BRD4: variants seen among roughly 807,000 people sequenced by gnomAD.
The protein encoded by BRD4 is bromodomain-containing protein 4.
A neutral mutation model predicts 142.1 loss-of-function variants in BRD4; 16 were observed. The observed-to-expected ratio is 0.11, with a 90% confidence interval of 0.08 to 0.17. The LOEUF is 0.17. Ranked by LOEUF, BRD4 falls within the 10% of genes least tolerant of loss-of-function variation. The pLI is 1.00. For missense variants in BRD4, 1,424 were observed against 1,810.9 expected (o/e 0.79, Z 3.88); for synonymous variants, 833 against 707.5 (o/e 1.18, Z -2.82).
rs181625112 is a variant in BRD4 at position 15,251,908 on chromosome 19, G to A, written c.2158+2244C>T. Among the ~76,000 whole-genome samples the A allele has an allele frequency of 2.0e-3, 309 of 152,308 alleles. 2 individuals are homozygous for A. Among genetic ancestry groups the A allele is most frequent in the African/African-American group, 7.2e-3 (298 of 41,558 alleles). ...CGCCTGGGAAGAGGGGAAGGCCAGAGCCCAGATAGCTGCATGAGCGGCCAG... is the reference window on the plus strand; with the variant it reads ...CGCCTGGGAAGAGGGGAAGGCCAGAACCCAGATAGCTGCATGAGCGGCCAG... On this transcript the variant is annotated intron_variant, in intron 11 of 19. Transcript: ENST00000679869.
Position 15,269,794 on chromosome 19 carries a change from G to A in BRD4, c.286-752C>T, listed in dbSNP as rs147763777. Among the ~76,000 whole-genome samples, 298 of 152,360 alleles carry A rather than the reference G, an allele frequency of 2.0e-3. 1 individual carries two copies. The highest frequency in any genetic ancestry group is 6.8e-3 in the Middle Eastern group (2 of 294). ...ACTAAGTGCCAAACAGAAGGAGCCA[G>A]ATAACAGATGTAAACGTCTTAAAGT... On this transcript the variant is annotated intron_variant, in intron 2 of 19. Transcript: ENST00000679869.
rs375972154 is a variant in BRD4 at position 15,297,534 on chromosome 19, G to T, written c.-34-24401C>A. 7.2e-5 allele frequency among the ~76,000 whole-genome samples: 11 copies of T among 152,280 alleles called. No homozygotes were observed. The South Asian group carries it at 2.3e-3, about 32-fold the overall frequency. On this transcript the variant is annotated intron_variant, in intron 1 of 19. Transcript: ENST00000679869. Reference sequence around the variant, plus strand: ...AGTCTTTTACCCATCAAAGCCTGACGCACTTCCACACATTCCTTTGTAGTG... The same window carrying T: ...AGTCTTTTACCCATCAAAGCCTGACTCACTTCCACACATTCCTTTGTAGTG...
intron 1 of BRD4, among the ~76,000 whole-genome samples, chr19:15,292,835 A>G (rs927796536): frequency 1.3e-5 from 2 of 148,856 alleles, no homozygotes; most frequent in Non-Finnish European, 3.0e-5. Flanking sequence ...AAAGAAAAGA[A>G]AAGCCTGAAA....
At chr19:15,269,654 T>C (rs981015342) in intron 2 of BRD4, among the ~76,000 whole-genome samples, 1 of 152,332 alleles carries the variant, frequency 6.6e-6, no homozygotes, top group African/African-American at 2.4e-5. Context: ...ATCCAGATAC[T>C]GCTGACTGAC....
At chr19:15,253,704 C>A in intron 11 of BRD4, 1 of 1,598,452 alleles carries the variant, frequency 6.3e-7, no homozygotes, top group Non-Finnish European at 8.5e-7. Flanking sequence ...AGCGAAGCAT[C>A]TCCCTGAAGC....
At chr19:15,253,494 G>A (rs201649451) in intron 11 of BRD4, 19 of 1,457,824 alleles carry the variant, frequency 1.3e-5, no homozygotes, top group South Asian at 1.1e-4. Flanking sequence ...GAAAAGAAGG[G>A]ACTGTTAGTT....
rs201710993 is a variant in BRD4 at position 15,257,102 on chromosome 19, C to T, written c.1413G>A (p.Pro471=). The T allele has an allele frequency of 9.9e-6, 16 of 1,608,690 alleles. No individual in the cohort carries two copies. The highest frequency in any genetic ancestry group is 1.9e-4 in the Middle Eastern group (1 of 5,346). The change falls in exon 8 of 20, where the codon CCG becomes CCA. Residue 471 remains proline, a synonymous_variant. Transcript: ENST00000679869. ...CAACCTTGGTGGGAGGGGGCACTGCCGGGGAGGACACGGCCACCACTGGCT... is the reference window on the plus strand; with the variant it reads ...CAACCTTGGTGGGAGGGGGCACTGCTGGGGAGGACACGGCCACCACTGGCT... The part of the protein sequence containing the change: ...PEEPVVAVSS[P]AVPPPTKVVA...
intron 4 of BRD4, among the ~76,000 whole-genome samples, chr19:15,266,280 G>T (rs560390307): frequency 6.6e-6 from 1 of 152,212 alleles, no homozygotes; most frequent in Non-Finnish European, 1.5e-5. Context: ...GAATGTCTAG[G>T]AGCATAACCT....
chr19:15,245,794 TCA>T (rs988357692), intron 11 of BRD4, among the ~76,000 whole-genome samples: 1 of 152,210 alleles, frequency 6.6e-6, no homozygotes, highest in African/African-American at 2.4e-5. Flanking sequence ...TGGATTCCTG[TCA>T]CTGAGAAGCA....
intron 1 of BRD4, among the ~76,000 whole-genome samples, chr19:15,327,220 A>G (rs539792582): frequency 8.5e-5 from 13 of 152,308 alleles, no homozygotes; most frequent in East Asian, 3.9e-4. Flanking sequence ...CCACTCCCAG[A>G]TATCTGTCCC....
At chr19:15,255,865 G>T (rs765635522) in intron 9 of BRD4, among the ~76,000 whole-genome samples, 199 bp downstream of exon 9, 1 of 152,224 alleles carries the variant, frequency 6.6e-6, no homozygotes, top group Non-Finnish European at 1.5e-5. Flanking sequence ...AGCTCCGAAG[G>T]CTCATCCTAC....
At chr19:15,251,036 A>G (rs1308843658) in intron 11 of BRD4, among the ~76,000 whole-genome samples, 3 of 152,184 alleles carry the variant, frequency 2.0e-5, no homozygotes, top group Non-Finnish European at 4.4e-5. Flanking sequence ...CCACAGCCCA[A>G]GCAATAGCTG....
intron 1 of BRD4, among the ~76,000 whole-genome samples, chr19:15,277,963 A>G (rs1235936803): frequency 1.3e-5 from 2 of 151,748 alleles, no homozygotes; most frequent in African/African-American, 2.4e-5. Context: ...AAAATTAGCC[A>G]GGCATGGCAG....
At chr19:15,323,204 A>AAAAG (rs59463679) in intron 1 of BRD4, among the ~76,000 whole-genome samples, 1 of 149,204 alleles carries the variant, frequency 6.7e-6, no homozygotes, top group Non-Finnish European at 1.5e-5. Flanking sequence ...AAAAAAAAAA[A>AAAAG]GAACTGCTCT....
intron 1 of BRD4, chr19:15,280,432 G>C: frequency 9.9e-7 from 1 of 1,014,160 alleles, no homozygotes; most frequent in South Asian, 4.6e-5. Flanking sequence ...CAGACTTCTA[G>C]CAGTAGTATT....
At chr19:15,288,173 A>AT (rs1290897491) in intron 1 of BRD4, among the ~76,000 whole-genome samples, 4 of 152,216 alleles carry the variant, frequency 2.6e-5, no homozygotes, top group Non-Finnish European at 4.4e-5. Flanking sequence ...GCTACTGTGT[A>AT]TAGGGCTGCT....
In BRD4 at chr19:15,236,043, A is replaced by AGTG. The variant is rs1486425248; in HGVS notation, c.*2331_*2333dup. The AGTG allele has an allele frequency of 6.6e-6, 1 of 152,284 alleles. No homozygotes were observed. The highest frequency in any genetic ancestry group is 1.5e-5 in the Non-Finnish European group (1 of 68,048). 9.4% of individuals were successfully genotyped at this position (152,284 alleles called of 1,614,324 possible). On this transcript the variant is annotated 3_prime_UTR_variant, in exon 20 of 20. Coordinates refer to ENST00000679869, the MANE Select transcript of BRD4 (RefSeq NM_001379291.1). The stretch of plus-strand genomic sequence containing the variant: ...ACAGTGGTATATGAGAAAGTGCCTG[A>AGTG]GTGGGCATGGACATCGAAGAAGTGG...
At position 15,244,348 on chromosome 19, in the gene BRD4, G is replaced by T; in HGVS notation, c.2464C>A (p.His822Asn). ...LPGSVFDPIG[H>N]FTQPILHLPQ... ...AGGTGCAGGATGGGCTGGGTGAAGT[G>T]GCCGATGGGGTCAAAGACGCTGCCT... The change falls in exon 13 of 20, where the codon CAC (histidine) becomes AAC (asparagine). Residue 822 changes from histidine (H) to asparagine (N), a missense_variant. Coordinates refer to ENST00000679869, the MANE Select transcript of BRD4 (RefSeq NM_001379291.1). 8 of 1,603,514 alleles carry T rather than the reference G, an allele frequency of 5.0e-6. No individual in the cohort carries two copies. Among genetic ancestry groups the T allele is most frequent in the Non-Finnish European group, 6.8e-6 (8 of 1,177,226 alleles).
intron 10 of BRD4, among the ~76,000 whole-genome samples, 165 bp from the exon 11 acceptor site, chr19:15,254,427 G>A (rs1297452846): frequency 2.0e-5 from 3 of 152,174 alleles, no homozygotes; most frequent in African/African-American, 7.2e-5. Flanking sequence ...CAGAACCCAC[G>A]TGGTCCCACA....
Sources: allele counts gnomAD v4.1 joint callset (sites outside exome capture counted in the v4.1 genomes callset), GRCh38; gene constraint gnomAD v4.1.1; transcripts MANE v1.5; gene names NCBI Gene and HGNC (gene_info 2026-07-23, HGNC 2026-07-21).